FBXO28: variants seen among roughly 807,000 people sequenced by gnomAD.
The protein encoded by FBXO28 is F-box only protein 28.
FBXO28 carries 8 observed loss-of-function variants against 38.1 expected under a neutral mutation model. The observed-to-expected ratio is 0.21, with a 90% confidence interval of 0.12 to 0.38. FBXO28 has a LOEUF of 0.38. FBXO28 is among the 10% of genes least tolerant of loss of function. The pLI, the probability that FBXO28 is intolerant of heterozygous loss-of-function variation, is 1.00. For missense variants in FBXO28, 345 were observed against 460.6 expected (o/e 0.75, Z 2.30); for synonymous variants, 168 against 173.8 (o/e 0.97, Z 0.26).
At chr1:224,146,139 T>C (rs1248091399) in intron 3 of FBXO28, among the ~76,000 whole-genome samples, 1 of 149,008 alleles carries the variant, frequency 6.7e-6, no homozygotes, top group Admixed American at 6.7e-5. Context: ...GAGGCTGAGG[T>C]AGGAGGATCA....
At chr1:224,131,904 T>C (rs1572012283) in intron 2 of FBXO28, among the ~76,000 whole-genome samples, 1 of 152,150 alleles carries the variant, frequency 6.6e-6, no homozygotes, top group Admixed American at 6.6e-5. Context: ...GCGTAAATCA[T>C]GTATCCAGAT....
intron 1 of FBXO28, among the ~76,000 whole-genome samples, chr1:224,118,378 T>G (rs1320947161): frequency 6.6e-6 from 1 of 152,240 alleles, no homozygotes; most frequent in African/African-American, 2.4e-5. Context: ...AAAGATGTTT[T>G]AGAGAGATAC....
chr1:224,138,887 T>G (rs569587382), intron 3 of FBXO28, among the ~76,000 whole-genome samples: 1 of 151,900 alleles, frequency 6.6e-6, no homozygotes, highest in East Asian at 1.9e-4. Flanking sequence ...GTTCAAGCGA[T>G]TCTCCTGCCT....
Position 224,157,654 on chromosome 1 carries a change from G to T in FBXO28, c.1015G>T (p.Gly339Trp). 2.5e-6 allele frequency: 4 copies of T among 1,614,220 alleles called. No individual in the cohort carries two copies. The highest frequency in any genetic ancestry group is 3.4e-6 in the Non-Finnish European group (4 of 1,180,030). ...ESAVGNSSGS[G>W]QNEESPRKRK... is the part of the protein sequence containing the mutation. Reference sequence around the variant, plus strand: ...TGCTGTAGGAAATTCCTCAGGGTCCGGGCAGAATGAGGAGTCTCCTCGGAA... The same window carrying T: ...TGCTGTAGGAAATTCCTCAGGGTCCTGGCAGAATGAGGAGTCTCCTCGGAA... Residue 339 changes from glycine (G) to tryptophan (W), a missense_variant, in exon 5 of 5, where the codon GGG becomes TGG. This residue lies in a region of FBXO28 where 151 missense variants were observed against 188.3 expected (regional missense o/e 0.80). Transcript: ENST00000366862.
intron 4 of FBXO28, among the ~76,000 whole-genome samples, chr1:224,154,323 G>A (rs1050641549): frequency 6.6e-6 from 1 of 152,198 alleles, no homozygotes; most frequent in African/African-American, 2.4e-5. Flanking sequence ...GTGGATACCT[G>A]AAGTACAATT....
At chr1:224,120,154 A>C (rs983822794) in intron 1 of FBXO28, among the ~76,000 whole-genome samples, 1 of 152,218 alleles carries the variant, frequency 6.6e-6, no homozygotes, top group Non-Finnish European at 1.5e-5. Context: ...TATAAATCCA[A>C]TTTCATAATT....
At chr1:224,130,623 T>G in intron 2 of FBXO28, 42 bp downstream of exon 2, 1 of 1,364,440 alleles carries the variant, frequency 7.3e-7, no homozygotes. Context: ...CAGTTGGTTT[T>G]GTTTGTTGCT....
At chr1:224,154,137 A>G (rs1657712384) in intron 4 of FBXO28, among the ~76,000 whole-genome samples, 1 of 152,224 alleles carries the variant, frequency 6.6e-6, no homozygotes, top group Non-Finnish European at 1.5e-5. Flanking sequence ...CACTTAATAC[A>G]CGAACCTACC....
intron 1 of FBXO28, among the ~76,000 whole-genome samples, chr1:224,121,728 T>C (rs1436186549): frequency 6.6e-6 from 1 of 151,806 alleles, no homozygotes; most frequent in African/African-American, 2.4e-5. Context: ...GCTCACTGCA[T>C]CCTCCACCTC....
At position 224,160,760 on chromosome 1, in the gene FBXO28, C is replaced by T. The variant is rs1657888116; in HGVS notation, c.*3014C>T. On this transcript the variant is annotated 3_prime_UTR_variant, in exon 5 of 5. Transcript: ENST00000366862. ...AAAACACTTTTTTTGGAGTACTGAACTTTACAGGGGCTTGCCTTAATCTCT... is the reference window on the plus strand; with the variant it reads ...AAAACACTTTTTTTGGAGTACTGAATTTTACAGGGGCTTGCCTTAATCTCT... 1 of 152,152 alleles carries T rather than the reference C, an allele frequency of 6.6e-6. No homozygotes were observed. Among genetic ancestry groups the T allele is most frequent in the African/African-American group, 2.4e-5 (1 of 41,422 alleles). The allele number at this position is 152,152 out of a possible 1,614,324, so 9.4% of individuals were successfully genotyped here.
intron 1 of FBXO28, among the ~76,000 whole-genome samples, chr1:224,121,377 A>G (rs1018638421): frequency 6.6e-6 from 1 of 152,240 alleles, no homozygotes; most frequent in Non-Finnish European, 1.5e-5. Flanking sequence ...TCTAGGGTAT[A>G]TACGCAGAGA....
chr1:224,120,967 T>C (rs1348815834), intron 1 of FBXO28, among the ~76,000 whole-genome samples: 1 of 152,044 alleles, frequency 6.6e-6, no homozygotes, highest in Non-Finnish European at 1.5e-5. Flanking sequence ...TTGCTTAATA[T>C]TTACTTCCAA....
rs1164545495 is a variant in FBXO28, at chr1:224,114,141, G to A, written c.12G>A (p.Ala4=). 3 of 1,541,354 alleles carry A rather than the reference G, an allele frequency of 1.9e-6. No homozygotes were observed. The highest frequency in any genetic ancestry group is 2.5e-5 in the East Asian group (1 of 40,662). The change falls in exon 1 of 5, where the codon GCG becomes GCA. Residue 4 remains alanine, a synonymous_variant. Transcript: ENST00000366862. ...ATCAAGCCCCCAAGATGGCGGCAGC[G>A]GCGGAGGAGCGGATGGCAGAGGAAG... The part of the protein sequence containing the change: MAA[A]AEERMAEEGG...
chr1:224,138,884 C>G (rs61827700), intron 3 of FBXO28, among the ~76,000 whole-genome samples: 1 of 151,616 alleles, frequency 6.6e-6, no homozygotes, highest in Non-Finnish European at 1.5e-5. Context: ...TGGGTTCAAG[C>G]GATTCTCCTG....
chr1:224,148,374 G>A (rs767538609), intron 3 of FBXO28, among the ~76,000 whole-genome samples: 48 of 152,180 alleles, frequency 3.2e-4, no homozygotes, highest in Non-Finnish European at 1.2e-4. Flanking sequence ...GAAACGGCCA[G>A]GCACGGTGGC....
intron 3 of FBXO28, among the ~76,000 whole-genome samples, chr1:224,137,246 T>G (rs1447046848): frequency 6.6e-6 from 1 of 151,254 alleles, no homozygotes; most frequent in African/African-American, 2.4e-5. Context: ...TAGTTGGGAC[T>G]GGGCACGGTG....
chr1:224,142,427 G>A, intron 3 of FBXO28, among the ~76,000 whole-genome samples: 1 of 152,004 alleles, frequency 6.6e-6, no homozygotes, highest in East Asian at 1.9e-4. Flanking sequence ...AAGGTAGGCG[G>A]ATCATTTGAG....
intron 1 of FBXO28, among the ~76,000 whole-genome samples, chr1:224,122,976 G>C (rs758027264): frequency 6.6e-6 from 1 of 151,976 alleles, no homozygotes; most frequent in Non-Finnish European, 1.5e-5. Context: ...GTTTAAAATG[G>C]CACAAATTAG....
intron 3 of FBXO28, among the ~76,000 whole-genome samples, chr1:224,146,106 C>A (rs188157862): frequency 6.7e-6 from 1 of 149,826 alleles, no homozygotes; most frequent in African/African-American, 2.5e-5. Context: ...TGGTGGCACA[C>A]GCCTGTATTC....
Sources: gnomAD v4.1 joint callset for allele counts (sites outside exome capture counted in the v4.1 genomes callset) on GRCh38, gnomAD v4.1.1 for gene constraint, gnomAD v4.1.1 regional missense constraint, MANE v1.5 for transcripts, NCBI Gene and HGNC (gene_info 2026-07-23, HGNC 2026-07-21) for gene names.